The following ZFR variants were observed in gnomAD, a reference collection of about 807,000 sequenced individuals.
ZFR encodes the protein zinc finger RNA-binding protein.
Under a neutral mutation model 130.7 loss-of-function variants are expected in ZFR, and 19 were observed. The ratio of observed to expected loss-of-function variants is 0.15; its 90% confidence interval spans 0.10 to 0.21. The LOEUF (loss-of-function observed/expected upper bound fraction) is 0.21. Among genes scored for constraint, ZFR ranks in the 10% least tolerant of loss-of-function variants. The probability of loss-of-function intolerance (pLI) is 1.00; values close to 1 mark genes in which losing one functional copy is unlikely to be tolerated. For missense variants in ZFR, 872 were observed against 1,321.5 expected, an observed-to-expected ratio of 0.66 and a Z score of 5.27; for synonymous variants, 466 against 456.9, an observed-to-expected ratio of 1.02 and a Z score of -0.25.
chr5:32,425,467 TCTC>T (rs1436749159), intron 2 of ZFR, among the ~76,000 whole-genome samples: 1 of 152,220 alleles, frequency 6.6e-6, no homozygotes, highest in African/African-American at 2.4e-5. Context: ...AAACAATGCC[TCTC>T]ATCTCACTGT....
At chr5:32,397,606 A>C (rs1466599276) in intron 9 of ZFR, among the ~76,000 whole-genome samples, 1 of 151,972 alleles carries the variant, frequency 6.6e-6, no homozygotes, top group African/African-American at 2.4e-5. Flanking sequence ...GGTATGTAAC[A>C]CCACCACGAC....
At chr5:32,373,899 A>G (rs536737295) in intron 17 of ZFR, among the ~76,000 whole-genome samples, 76 of 152,212 alleles carry the variant, frequency 5.0e-4, no homozygotes, top group Middle Eastern at 3.4e-3. Context: ...TGCTCCTTCA[A>G]TTCCTTTGAC....
At chr5:32,371,663 C>T (rs925192052) in intron 17 of ZFR, among the ~76,000 whole-genome samples, 47 of 151,002 alleles carry the variant, frequency 3.1e-4, no homozygotes, top group Admixed American at 3.0e-3. Context: ...TCTATCTCAC[C>T]AGAAAAAAGA....
At chr5:32,368,724 T>G (rs1267481027) in intron 17 of ZFR, among the ~76,000 whole-genome samples, 1 of 152,220 alleles carries the variant, frequency 6.6e-6, no homozygotes, top group East Asian at 1.9e-4. Flanking sequence ...TCCTCTTCAT[T>G]ATAGCTACCA....
At chr5:32,376,455 G>A (rs1422174592) in intron 17 of ZFR, among the ~76,000 whole-genome samples, 1 of 150,822 alleles carries the variant, frequency 6.6e-6, no homozygotes, top group Non-Finnish European at 1.5e-5. Context: ...AACCAGCTTG[G>A]CCAATATGGT....
At chr5:32,393,964 C>T (rs1244314584) in intron 11 of ZFR, among the ~76,000 whole-genome samples, 1 of 152,050 alleles carries the variant, frequency 6.6e-6, no homozygotes, top group Non-Finnish European at 1.5e-5. Context: ...ACCTAAATAT[C>T]TAAACAATAA....
In ZFR at chr5:32,404,023, G is replaced by A. The variant is rs746138048; in HGVS notation, c.1107C>T (p.Ser369=). 7.4e-6 allele frequency: 12 copies of A among 1,613,948 alleles called. No individual in the cohort carries two copies. The South Asian group carries it at 9.9e-5, about 13-fold the overall frequency. The change falls in exon 7 of 20, where the codon AGC becomes AGT. Residue 369 remains serine, a synonymous_variant. Coordinates refer to ENST00000265069, the MANE Select transcript of ZFR (RefSeq NM_016107.5). ...TCCCACGAGTAGAACTGTTGCTGCTGCTGGTATTTTGTGAGGCTTTCAATG... is the reference window on the plus strand; with the variant it reads ...TCCCACGAGTAGAACTGTTGCTGCTACTGGTATTTTGTGAGGCTTTCAATG... ...EAALKASQNT[S]SSNSSTRGTQ...
intron 10 of ZFR, among the ~76,000 whole-genome samples, chr5:32,395,737 G>T (rs535114240): frequency 1.3e-5 from 2 of 152,102 alleles, no homozygotes; most frequent in South Asian, 4.2e-4. Context: ...ACCTTTATAT[G>T]ATGACCCACT....
intron 16 of ZFR, chr5:32,379,823 C>T (rs189643903): frequency 9.2e-6 from 3 of 327,496 alleles, no homozygotes; most frequent in Non-Finnish European, 1.1e-5. Context: ...TTAAATATAG[C>T]CACTAAAAAT....
At chr5:32,430,714 C>A (rs1450475027) in intron 2 of ZFR, among the ~76,000 whole-genome samples, 1 of 152,028 alleles carries the variant, frequency 6.6e-6, no homozygotes, top group South Asian at 2.1e-4. Context: ...AAACTGCCTA[C>A]AGAGATTAAG....
intron 17 of ZFR, among the ~76,000 whole-genome samples, chr5:32,377,936 C>T (rs1478231152): frequency 6.6e-6 from 1 of 152,166 alleles, no homozygotes; most frequent in Non-Finnish European, 1.5e-5. Flanking sequence ...AGTGATCCGC[C>T]CGCCTCGGCC....
intron 8 of ZFR, among the ~76,000 whole-genome samples, chr5:32,402,042 T>C (rs1416785176): frequency 2.6e-5 from 4 of 152,202 alleles, no homozygotes; most frequent in Admixed American, 2.0e-4. Context: ...ATATAAAAGA[T>C]GTCCAGGGAA....
intron 19 of ZFR, among the ~76,000 whole-genome samples, chr5:32,361,188 T>C (rs960244559): frequency 3.9e-5 from 6 of 152,196 alleles, no homozygotes; most frequent in Non-Finnish European, 5.9e-5. Context: ...TAAAGGATAG[T>C]TACTGGTTTA....
intron 2 of ZFR, among the ~76,000 whole-genome samples, chr5:32,433,961 TAGGAGGCTG>T (rs1214316250): frequency 6.6e-6 from 1 of 152,088 alleles, no homozygotes; most frequent in Non-Finnish European, 1.5e-5. Context: ...TAGTCCCACT[TAGGAGGCTG>T]AGGAGGGAGG....
intron 10 of ZFR, among the ~76,000 whole-genome samples, 157 bp downstream of exon 10, chr5:32,397,062 C>G (rs977926914): frequency 2.6e-5 from 4 of 152,160 alleles, no homozygotes; most frequent in Non-Finnish European, 4.4e-5. Context: ...AACCAAACAT[C>G]CATCTGAGTC....
chr5:32,393,132 G>A (rs989148570), intron 11 of ZFR, among the ~76,000 whole-genome samples: 2 of 152,138 alleles, frequency 1.3e-5, no homozygotes, highest in Admixed American at 6.5e-5. Flanking sequence ...GAATCTTGCT[G>A]CCTTCTGTTA....
intron 2 of ZFR, among the ~76,000 whole-genome samples, chr5:32,434,181 A>G (rs1754282548): frequency 6.6e-6 from 1 of 152,262 alleles, no homozygotes; most frequent in South Asian, 2.1e-4. Flanking sequence ...CTAGTGAATG[A>G]CTAACTGAAT....
intron 5 of ZFR, among the ~76,000 whole-genome samples, chr5:32,409,508 C>T (rs1294928706): frequency 2.6e-5 from 4 of 151,816 alleles, no homozygotes; most frequent in African/African-American, 9.7e-5. Flanking sequence ...CAGGTTCAAC[C>T]GATTCTTGTA....
intron 11 of ZFR, among the ~76,000 whole-genome samples, chr5:32,393,563 G>C (rs887814537): frequency 7.9e-5 from 12 of 152,118 alleles, no homozygotes; most frequent in Non-Finnish European, 8.8e-5. Flanking sequence ...GGCTGGTCTT[G>C]AATCCCGACC....
Sources: allele counts gnomAD v4.1 joint callset (sites outside exome capture counted in the v4.1 genomes callset), GRCh38; gene constraint gnomAD v4.1.1; transcripts MANE v1.5; gene names NCBI Gene and HGNC (gene_info 2026-07-23, HGNC 2026-07-21).